The following CMBL variants were observed in gnomAD, a reference collection of about 807,000 sequenced individuals.
CMBL encodes carboxymethylenebutenolidase homolog (Pseudomonas).
A neutral mutation model predicts 28.7 loss-of-function variants in CMBL; 17 were observed. That is an observed-to-expected ratio of 0.59 (90% CI 0.41 to 0.89). The LOEUF is 0.89. CMBL is among the 40% of genes least tolerant of loss of function. CMBL has a pLI of 0.00. For synonymous variants in CMBL, 106 were observed against 101.6 expected (o/e 1.04, Z -0.26); for missense variants, 310 against 298.5 (o/e 1.04, Z -0.28).
intron 4 of CMBL, among the ~76,000 whole-genome samples, chr5:10,285,281 G>C (rs1306479391): frequency 6.6e-6 from 1 of 152,188 alleles, no homozygotes; most frequent in Admixed American, 6.5e-5. Flanking sequence ...CGATTCTCCT[G>C]CCTCAGCCTC....
At chr5:10,297,772 G>A (rs1000141452) in intron 1 of CMBL, among the ~76,000 whole-genome samples, 1 of 152,060 alleles carries the variant, frequency 6.6e-6, no homozygotes, top group Non-Finnish European at 1.5e-5. Flanking sequence ...AGGGTCTGGC[G>A]CATAGCAGAG....
At chr5:10,283,092 G>GAAAAA (rs70944000) in intron 4 of CMBL, among the ~76,000 whole-genome samples, 50,233 of 119,104 alleles carry the variant, frequency 0.42, 13,387 homozygotes, top group Non-Finnish European at 0.6. Flanking sequence ...CTCCGTCTCA[G>GAAAAA]AAAAAAAAAA....
intron 1 of CMBL, among the ~76,000 whole-genome samples, chr5:10,299,348 A>AT (rs1433686438): frequency 1.3e-5 from 2 of 152,246 alleles, no homozygotes; most frequent in Admixed American, 6.5e-5. Context: ...GGAAACTATA[A>AT]TAAAAACAAG....
chr5:10,299,516 C>T (rs1331122768), intron 1 of CMBL, among the ~76,000 whole-genome samples: 1 of 152,088 alleles, frequency 6.6e-6, no homozygotes, highest in Non-Finnish European at 1.5e-5. Flanking sequence ...CCTAGATATC[C>T]CACCACTAGA....
At chr5:10,280,830 G>A (rs185063388) in intron 5 of CMBL, among the ~76,000 whole-genome samples, 198 bp from the exon 6 acceptor site, 1 of 152,346 alleles carries the variant, frequency 6.6e-6, no homozygotes, top group Non-Finnish European at 1.5e-5. Context: ...TTGGAGTTCA[G>A]TGGCGCCATC....
chr5:10,292,642 G>A (rs1746745934), intron 1 of CMBL, among the ~76,000 whole-genome samples: 1 of 152,052 alleles, frequency 6.6e-6, no homozygotes, highest in East Asian at 1.9e-4. Flanking sequence ...GGCCAATATG[G>A]TGAAACCCCC....
chr5:10,285,689 TCTTTC>T (rs1398267819), intron 4 of CMBL, among the ~76,000 whole-genome samples: 1 of 33,376 alleles, frequency 3.0e-5, no homozygotes, highest in Non-Finnish European at 1.7e-4. Flanking sequence ...TCTTTCTTTC[TCTTTC>T]TTTTTCTTTT....
At chr5:10,292,742 C>T (rs1264143574) in intron 1 of CMBL, among the ~76,000 whole-genome samples, 6 of 148,180 alleles carry the variant, frequency 4.0e-5, no homozygotes, top group African/African-American at 7.4e-5. Flanking sequence ...GAGAATCGCT[C>T]GAACTCGGGA....
At chr5:10,287,466 A>G (rs1349185245) in intron 3 of CMBL, among the ~76,000 whole-genome samples, 1 of 141,320 alleles carries the variant, frequency 7.1e-6, no homozygotes, top group East Asian at 2.5e-4. Flanking sequence ...AGAGTGATAT[A>G]ATGGACTATG....
rs868785625 is a variant in CMBL, at chr5:10,278,456, G to A, written c.*1997C>T. On this transcript the variant is annotated 3_prime_UTR_variant, in exon 6 of 6. Transcript: ENST00000296658. ...CACACCGACCCCTCTCAGTCACAGC[G>A]TGAGTCCCCGGGGCTCATGCCTGCT... 7.9e-5 allele frequency among the ~76,000 whole-genome samples: 12 copies of A among 152,130 alleles called. No homozygotes were observed. Among genetic ancestry groups the A allele is most frequent in the Admixed American group, 3.9e-4 (6 of 15,276 alleles).
chr5:10,301,467 G>A (rs892394300), intron 1 of CMBL, among the ~76,000 whole-genome samples: 49 of 151,378 alleles, frequency 3.2e-4, no homozygotes, highest in African/African-American at 1.1e-3. Context: ...ACAATACAGC[G>A]ATCATCAACA....
intron 1 of CMBL, among the ~76,000 whole-genome samples, chr5:10,302,919 T>C (rs1469145655): frequency 6.6e-6 from 1 of 152,242 alleles, no homozygotes; most frequent in Non-Finnish European, 1.5e-5. Flanking sequence ...TCCAGGTCTC[T>C]TTCTGATCCT....
intron 4 of CMBL, among the ~76,000 whole-genome samples, chr5:10,285,403 A>G (rs1746581054): frequency 6.6e-6 from 1 of 151,986 alleles, no homozygotes; most frequent in African/African-American, 2.4e-5. Flanking sequence ...TATTGACCTC[A>G]TGAGCCACCC....
At chr5:10,285,842 G>A (rs1054716051) in intron 4 of CMBL, among the ~76,000 whole-genome samples, 2 of 151,020 alleles carry the variant, frequency 1.3e-5, no homozygotes, top group Non-Finnish European at 2.9e-5. Flanking sequence ...AGGACTACAG[G>A]TGCACGTGAC....
In CMBL at chr5:10,305,780, A is replaced by G. The variant is rs1356446251; in HGVS notation, c.-20+1845T>C. On this transcript the variant is annotated intron_variant, in intron 1 of 5. Coordinates refer to ENST00000296658, the MANE Select transcript of CMBL (RefSeq NM_138809.4). ...GAGACTGGGTTTCACCATGTTGGCC[A>G]GGCTGGTCTCAAACTCCTGACTTCA... is the stretch of plus-strand genomic sequence containing the variant. Among the ~76,000 whole-genome samples, 3 of 152,134 alleles carry G rather than the reference A, an allele frequency of 2.0e-5. No individual in the cohort carries two copies. In the East Asian group the frequency reaches 5.8e-4, roughly 29 times the overall value.
intron 5 of CMBL, among the ~76,000 whole-genome samples, chr5:10,281,888 G>A (rs955411073): frequency 1.4e-5 from 2 of 140,028 alleles, no homozygotes; most frequent in Admixed American, 6.8e-5. Flanking sequence ...GGCCAGGCGT[G>A]GTGGCTCACA....
chr5:10,280,656 T>C, intron 5 of CMBL, 24 bp from the exon 6 acceptor site: 1 of 1,572,208 alleles, frequency 6.4e-7, no homozygotes, highest in South Asian at 1.1e-5. Context: ...GATTTCATGA[T>C]TTTAACCCTT....
chr5:10,293,756 C>A (rs553471380), intron 1 of CMBL, among the ~76,000 whole-genome samples: 1 of 152,330 alleles, frequency 6.6e-6, no homozygotes, highest in African/African-American at 2.4e-5. Flanking sequence ...ACTGAGGCAC[C>A]ACTCTGTGAC....
In CMBL at chr5:10,278,095, G is replaced by A. The variant is rs1347211228; in HGVS notation, c.*2358C>T. ...TCCACAGTAGACCAGCCCTGCTCAG[G>A]CTTGGATTCTCTCAACATTAGGCAA... On this transcript the variant is annotated 3_prime_UTR_variant, in exon 6 of 6. Coordinates refer to ENST00000296658, the MANE Select transcript of CMBL (RefSeq NM_138809.4). 6.6e-6 allele frequency among the ~76,000 whole-genome samples: 1 copy of A among 152,146 alleles called. No homozygotes were observed. Among genetic ancestry groups the A allele is most frequent in the Non-Finnish European group, 1.5e-5 (1 of 68,028 alleles).
Sources: gnomAD v4.1 joint callset for allele counts (sites outside exome capture counted in the v4.1 genomes callset) on GRCh38, gnomAD v4.1.1 for gene constraint, MANE v1.5 for transcripts, NCBI Gene and HGNC (gene_info 2026-07-23, HGNC 2026-07-21) for gene names.